Variants in TMEM231 observed in about 807,000 individuals in gnomAD.
The protein encoded by TMEM231 is transmembrane protein 231.
A neutral mutation model predicts 38.5 loss-of-function variants in TMEM231; 40 were observed. The ratio of observed to expected loss-of-function variants is 1.04; its 90% CI spans 0.81 to 1.35. The LOEUF (loss-of-function observed/expected upper bound fraction) is 1.35, where lower values mean the gene tolerates loss of function less well. Ranked by LOEUF, TMEM231 falls within the 40% of genes most tolerant of loss-of-function variation. The pLI, the probability that TMEM231 is intolerant of heterozygous loss-of-function variation, is 0.00. For missense variants in TMEM231, 420 were observed against 416.9 expected (o/e 1.01, Z -0.07); for synonymous variants, 199 against 181.7 (o/e 1.10, Z -0.77).
intron 4 of TMEM231, among the ~76,000 whole-genome samples, chr16:75,543,028 G>A (rs1282455820): frequency 6.6e-6 from 1 of 152,138 alleles, no homozygotes; most frequent in Non-Finnish European, 1.5e-5. Flanking sequence ...AGGTTTTAAA[G>A]CTATTTTTAA....
Position 75,538,203 on chromosome 16 carries a change from A to C in TMEM231, c.*1791T>G, listed in dbSNP as rs2080580356. On this transcript the variant is annotated 3_prime_UTR_variant, in exon 7 of 7. Coordinates refer to ENST00000258173, the MANE Select transcript of TMEM231 (RefSeq NM_001077418.3). ...CACCCAGGCTACAGTACAGTGGTGC[A>C]ATCATAGCACACTGCAGCCTCAAGC... 6.6e-6 allele frequency: 1 copy of C among 152,070 alleles called. No homozygotes were observed. Among genetic ancestry groups the C allele is most frequent in the South Asian group, 2.1e-4 (1 of 4,820 alleles). 9.4% of individuals were successfully genotyped at this position (152,070 alleles called of 1,614,324 possible).
chr16:75,540,280 T>G, intron 6 of TMEM231, 106 bp from the exon 7 acceptor site: 1 of 1,123,626 alleles, frequency 8.9e-7, no homozygotes, highest in Non-Finnish European at 1.2e-6. Flanking sequence ...GCAGGACCTC[T>G]GTCATGTACA....
chr16:75,541,302 G>A (rs775972268), intron 6 of TMEM231, 48 bp downstream of exon 6: 3 of 1,425,976 alleles, frequency 2.1e-6, no homozygotes. Flanking sequence ...TTATAGGCAG[G>A]AGCCACCACA....
chr16:75,552,548 C>G (rs923566417), intron 2 of TMEM231, among the ~76,000 whole-genome samples: 17 of 152,210 alleles, frequency 1.1e-4, no homozygotes, highest in Admixed American at 4.6e-4. Flanking sequence ...GAGAGCTTTC[C>G]TGTTTTTAAA....
intron 2 of TMEM231, among the ~76,000 whole-genome samples, chr16:75,547,936 A>G (rs2080713176): frequency 6.6e-6 from 1 of 152,202 alleles, no homozygotes; most frequent in African/African-American, 2.4e-5. Context: ...ACATTTCTCA[A>G]CTTGCAACAG....
intron 2 of TMEM231, chr16:75,546,198 TAAC>T: frequency 8.5e-7 from 1 of 1,179,500 alleles, no homozygotes; most frequent in Non-Finnish European, 1.2e-6. Flanking sequence ...AAATGGGCAA[TAAC>T]AAAAAACATC....
chr16:75,546,056 A>C, intron 2 of TMEM231, 102 bp from the exon 3 acceptor site: 1 of 1,553,746 alleles, frequency 6.4e-7, no homozygotes, highest in Non-Finnish European at 8.7e-7. Flanking sequence ...CTTGCTGTAC[A>C]CAACAGGCAT....
At chr16:75,551,533 A>C (rs2062570289) in intron 2 of TMEM231, among the ~76,000 whole-genome samples, 1 of 152,260 alleles carries the variant, frequency 6.6e-6, no homozygotes, top group African/African-American at 2.4e-5. Flanking sequence ...CCATTATTTT[A>C]TATACCACTG....
At chr16:75,544,791 GTTC>G (rs1022802963) in intron 4 of TMEM231, among the ~76,000 whole-genome samples, 1 of 152,060 alleles carries the variant, frequency 6.6e-6, no homozygotes, top group African/African-American at 2.4e-5. Context: ...AAGCAATTTA[GTTC>G]TTCGACAAAC....
chr16:75,547,380 T>C (rs551129543), intron 2 of TMEM231, among the ~76,000 whole-genome samples: 1 of 152,392 alleles, frequency 6.6e-6, no homozygotes, highest in African/African-American at 2.4e-5. Context: ...GACAATAATG[T>C]TCCTTCTCTT....
chr16:75,550,677 CTGTTT>C, intron 2 of TMEM231, among the ~76,000 whole-genome samples: 1 of 150,422 alleles, frequency 6.6e-6, no homozygotes, highest in South Asian at 2.1e-4. Context: ...TGTTTGGTTT[CTGTTT>C]TGTTTGCGTA....
chr16:75,551,468 G>A (rs981694092), intron 2 of TMEM231, among the ~76,000 whole-genome samples: 1 of 152,192 alleles, frequency 6.6e-6, no homozygotes, highest in African/African-American at 2.4e-5. Flanking sequence ...ATAGGCATGA[G>A]CCACAGTGCT....
At chr16:75,551,771 G>C (rs1038730254) in intron 2 of TMEM231, among the ~76,000 whole-genome samples, 3 of 152,004 alleles carry the variant, frequency 2.0e-5, no homozygotes, top group Admixed American at 6.6e-5. Context: ...AGACCAGCCT[G>C]ACCAACATGA....
intron 2 of TMEM231, chr16:75,555,444 G>A (rs1459311391): frequency 1.1e-5 from 3 of 261,534 alleles, no homozygotes; most frequent in East Asian, 6.8e-5. Context: ...TACATTAACA[G>A]CGCGCGGCCT....
chr16:75,544,881 G>A (rs1471737428), intron 4 of TMEM231, among the ~76,000 whole-genome samples: 2 of 150,476 alleles, frequency 1.3e-5, no homozygotes, highest in African/African-American at 4.9e-5. Flanking sequence ...TTCATGGCAA[G>A]AATTCTACAG....
In TMEM231 at chr16:75,537,899, G is replaced by A. The variant is rs1222216304; in HGVS notation, c.*2095C>T. The A allele has an allele frequency of 5.9e-5, 9 of 152,120 alleles. No homozygotes were observed. The highest frequency in any genetic ancestry group is 4.6e-4 in the Admixed American group (7 of 15,268). 9.4% of individuals were successfully genotyped at this position (152,120 alleles called of 1,614,324 possible). A position where few individuals can be genotyped will look rare whatever the true frequency, so the allele number is the denominator to read the frequency against. ...AGACACAGTCATAATTATCCAACAC[G>A]TAGATTTCACATGGCATGTGAATCC... On this transcript the variant is annotated 3_prime_UTR_variant, in exon 7 of 7. Coordinates refer to ENST00000258173, the MANE Select transcript of TMEM231 (RefSeq NM_001077418.3).
chr16:75,556,215 C>G lies in TMEM231; in HGVS notation c.-6G>C, dbSNP rs3743602. ...AAGAGCTCATAGAGCGCCATGAGCA[C>G]CGCTCGCAGGCACTCCGCGAGCCGG... On this transcript the variant is annotated 5_prime_UTR_variant, in exon 1 of 7. Coordinates refer to ENST00000258173, the MANE Select transcript of TMEM231 (RefSeq NM_001077418.3). 333,056 of 1,416,130 alleles carry G rather than the reference C, an allele frequency of 0.24. 40,147 individuals are homozygous for G. The highest frequency in any genetic ancestry group is 0.25 in the Non-Finnish European group (268,475 of 1,090,702). The allele number at this position is 1,416,130 out of a possible 1,614,324, so 87.7% of individuals were successfully genotyped here.
In TMEM231 at chr16:75,556,119, C is replaced by G. The variant is rs202215735; in HGVS notation, c.91G>C (p.Ala31Pro). 5.7e-6 allele frequency: 9 copies of G among 1,573,424 alleles called. No homozygotes were observed. The highest frequency in any genetic ancestry group is 7.7e-6 in the Non-Finnish European group (9 of 1,161,364). The change falls in exon 1 of 7, where the codon GCT (alanine) becomes CCT (proline). Residue 31 changes from alanine (A) to proline (P), a missense_variant. Physicochemically the swap from Ala to Pro is conservative, Grantham distance 27. Coordinates refer to ENST00000258173, the MANE Select transcript of TMEM231 (RefSeq NM_001077418.3). ...AGCGGCGGGATGTACGTGAGCGCAGCGGCCAGCAGCAGGAACAGCGCGGCT... is the reference window on the plus strand; with the variant it reads ...AGCGGCGGGATGTACGTGAGCGCAGGGGCCAGCAGCAGGAACAGCGCGGCT... ...SKAALFLLLA[A>P]ALTYIPPLLV...
chr16:75,546,555 GC>G (rs2080694861), intron 2 of TMEM231, among the ~76,000 whole-genome samples: 1 of 152,016 alleles, frequency 6.6e-6, no homozygotes, highest in Admixed American at 6.6e-5. Context: ...GAATTGTCCT[GC>G]CTCAGCCTCC....
Sources: gnomAD v4.1 joint callset for allele counts (sites outside exome capture counted in the v4.1 genomes callset) on GRCh38, gnomAD v4.1.1 for gene constraint, MANE v1.5 for transcripts, NCBI Gene and HGNC (gene_info 2026-07-23, HGNC 2026-07-21) for gene names.